Variants in NDST4 observed in about 807,000 individuals in gnomAD.
The protein encoded by NDST4 is N-heparan sulfate sulfotransferase 4.
In NDST4, 63 loss-of-function variants were observed where a neutral mutation model predicts 100.8. The ratio of observed to expected loss-of-function variants is 0.62; its 90% CI spans 0.51 to 0.77. The LOEUF is 0.77. Ranked by LOEUF, NDST4 falls within the 30% of genes least tolerant of loss-of-function variation. The pLI is 0.00. For missense variants in NDST4, 943 were observed against 1,018.4 expected (o/e 0.93, Z 1.01); for synonymous variants, 377 against 361.8 (o/e 1.04, Z -0.48).
intron 10 of NDST4, among the ~76,000 whole-genome samples, chr4:114,845,401 C>G (rs906687970): frequency 1.3e-5 from 2 of 152,040 alleles, no homozygotes; most frequent in African/African-American, 4.8e-5. Flanking sequence ...TTTAGCTGTG[C>G]CTTTTCTTCA....
At chr4:115,008,997 A>G (rs1727482113) in intron 2 of NDST4, among the ~76,000 whole-genome samples, 1 of 127,018 alleles carries the variant, frequency 7.9e-6, no homozygotes, top group African/African-American at 3.0e-5. Flanking sequence ...GGACCTCTTC[A>G]AGGAGAACTA....
At chr4:114,972,427 G>C (rs1418467312) in intron 3 of NDST4, among the ~76,000 whole-genome samples, 1 of 151,898 alleles carries the variant, frequency 6.6e-6, no homozygotes, top group Non-Finnish European at 1.5e-5. Flanking sequence ...TAGAAATTTT[G>C]AAAGTAATAA....
intron 7 of NDST4, among the ~76,000 whole-genome samples, chr4:114,856,397 A>G (rs1723794140): frequency 6.6e-6 from 1 of 152,132 alleles, no homozygotes; most frequent in Admixed American, 6.5e-5. Flanking sequence ...TTTTAATATG[A>G]AAATGTCTAA....
intron 4 of NDST4, among the ~76,000 whole-genome samples, chr4:114,943,306 G>T (rs961455635): frequency 1.3e-5 from 2 of 151,468 alleles, no homozygotes; most frequent in Non-Finnish European, 2.9e-5. Flanking sequence ...ATTCATATCT[G>T]CACTTTTACC....
At chr4:114,963,242 T>C (rs938128569) in intron 4 of NDST4, among the ~76,000 whole-genome samples, 2 of 152,128 alleles carry the variant, frequency 1.3e-5, no homozygotes, top group Non-Finnish European at 2.9e-5. Flanking sequence ...TGAGACATTA[T>C]TTGTCAATAA....
intron 7 of NDST4, among the ~76,000 whole-genome samples, chr4:114,867,665 C>CAAAAAAAAAAAAAAAA: frequency 2.8e-4 from 22 of 79,884 alleles, no homozygotes; most frequent in East Asian, 4.0e-4. Flanking sequence ...AAAAAAAAAG[C>CAAAAAAAAAAAAAAAA]AAAAAAAAAA....
intron 1 of NDST4, among the ~76,000 whole-genome samples, chr4:115,094,892 C>T (rs1029492934): frequency 7.9e-5 from 12 of 152,114 alleles, no homozygotes; most frequent in Admixed American, 2.6e-4. Flanking sequence ...AACTTCTAGC[C>T]CCCAGAACTG....
At chr4:115,073,842 A>T (rs1042021583) in intron 2 of NDST4, among the ~76,000 whole-genome samples, 3 of 151,940 alleles carry the variant, frequency 2.0e-5, no homozygotes, top group Admixed American at 1.3e-4. Flanking sequence ...ATTAATTCCT[A>T]TGTCATTTTT....
In NDST4 at chr4:114,902,585, T is replaced by C. The variant is rs536407297; in HGVS notation, c.1537-31635A>G. ...TATCCTCCTTGATATTCTCTGAGGT[T>C]CCTGGATCTCTGGTTTGGTGTTTGA... On this transcript the variant is annotated intron_variant, in intron 6 of 13. Coordinates refer to ENST00000264363, the MANE Select transcript of NDST4 (RefSeq NM_022569.3). Among the ~76,000 whole-genome samples the C allele has an allele frequency of 9.2e-5, 14 of 152,196 alleles. No individual in the cohort carries two copies. The South Asian group carries it at 2.9e-3, about 31-fold the overall frequency.
intron 2 of NDST4, among the ~76,000 whole-genome samples, chr4:115,056,108 T>C (rs1457747809): frequency 6.6e-6 from 1 of 152,058 alleles, no homozygotes; most frequent in African/African-American, 2.4e-5. Flanking sequence ...TTCCAGCACT[T>C]CGTGAGGTCA....
chr4:114,853,400 T>C (rs1203867030), intron 7 of NDST4, among the ~76,000 whole-genome samples: 4 of 152,172 alleles, frequency 2.6e-5, no homozygotes, highest in African/African-American at 9.6e-5. Context: ...TTTGTATAGA[T>C]ACGGTGAGGA....
intron 4 of NDST4, among the ~76,000 whole-genome samples, chr4:114,942,250 T>G (rs978437626): frequency 6.6e-6 from 1 of 152,178 alleles, no homozygotes; most frequent in Non-Finnish European, 1.5e-5. Flanking sequence ...GTTAAGCACT[T>G]TGCTAAGTAC....
chr4:114,963,729 T>C (rs1048172692), intron 4 of NDST4, among the ~76,000 whole-genome samples: 2 of 152,188 alleles, frequency 1.3e-5, no homozygotes, highest in African/African-American at 4.8e-5. Context: ...AGAAAGGTAA[T>C]AGATGAATTC....
At chr4:114,997,730 G>T (rs2126254457) in intron 2 of NDST4, among the ~76,000 whole-genome samples, 1 of 152,124 alleles carries the variant, frequency 6.6e-6, no homozygotes, top group South Asian at 2.1e-4. Flanking sequence ...TACAGACACA[G>T]AAGGTAATGC....
chr4:114,855,618 G>C (rs1723776568), intron 7 of NDST4, among the ~76,000 whole-genome samples: 2 of 151,980 alleles, frequency 1.3e-5, no homozygotes, highest in Admixed American at 1.3e-4. Context: ...TCTCTATTCT[G>C]TTTCATTGGT....
At chr4:115,110,386 C>T (rs1369226163) in intron 1 of NDST4, among the ~76,000 whole-genome samples, 3 of 151,994 alleles carry the variant, frequency 2.0e-5, no homozygotes, top group Admixed American at 6.6e-5. Context: ...ACCCATTTAT[C>T]TCACTTCGTA....
At chr4:115,063,019 T>A (rs973426986) in intron 2 of NDST4, among the ~76,000 whole-genome samples, 1 of 151,954 alleles carries the variant, frequency 6.6e-6, no homozygotes. Context: ...GCTAAGAATA[T>A]GATACACTTG....
At chr4:114,906,701 G>A (rs1283328479) in intron 6 of NDST4, among the ~76,000 whole-genome samples, 2 of 151,612 alleles carry the variant, frequency 1.3e-5, no homozygotes, top group East Asian at 3.9e-4. Context: ...TATATATCTT[G>A]TCTACATAAA....
chr4:114,871,040 T>C, intron 6 of NDST4, 90 bp from the exon 7 acceptor site: 1 of 839,106 alleles, frequency 1.2e-6, no homozygotes, highest in Non-Finnish European at 1.7e-6. Context: ...TCACCTCACC[T>C]TGGAATTTCA....
Sources: allele counts gnomAD v4.1 joint callset (sites outside exome capture counted in the v4.1 genomes callset), GRCh38; gene constraint gnomAD v4.1.1; transcripts MANE v1.5; gene names NCBI Gene and HGNC (gene_info 2026-07-23, HGNC 2026-07-21).